The following PTPRD variants were observed in gnomAD, a reference collection of about 807,000 sequenced individuals.
PTPRD encodes receptor-type tyrosine-protein phosphatase delta.
PTPRD carries 34 observed loss-of-function variants against 214.5 expected under a neutral mutation model. The ratio of observed to expected loss-of-function variants is 0.16; its 90% CI spans 0.12 to 0.21. The LOEUF is 0.21. Among genes scored for constraint, PTPRD ranks in the 10% least tolerant of loss-of-function variants. The pLI is 1.00. For synonymous variants in PTPRD, 1,128 were observed against 845.7 expected, an observed-to-expected ratio of 1.33 and a Z score of -5.79; for missense variants, 2,545 against 2,398.7, an observed-to-expected ratio of 1.06 and a Z score of -1.27.
chr9:8,500,558 G>GGAAAAAAAAAAAAAAAAAA lies in PTPRD; in HGVS notation c.2128+195_2128+196insTTTTTTTTTTTTTTTTTTC, dbSNP rs2097373754. ...TTACTGCATTGAGATTGAAAAAAAT[G>GGAAAAAAAAAAAAAAAAAA]AAAAAAAAAAAAAAAAAAAAAAAAA... On this transcript the variant is annotated intron_variant, in intron 24 of 45. Coordinates refer to ENST00000381196, the MANE Select transcript of PTPRD (RefSeq NM_002839.4). Among the ~76,000 whole-genome samples the GGAAAAAAAAAAAAAAAAAA allele has an allele frequency of 2.8e-3, 40 of 14,316 alleles. 2 individuals carry two copies. Among genetic ancestry groups the GGAAAAAAAAAAAAAAAAAA allele is most frequent in the Non-Finnish European group, 3.7e-3 (32 of 8,718 alleles). 9.4% of individuals were successfully genotyped at this position (14,316 alleles called of 152,430 possible). A position where few individuals can be genotyped will look rare whatever the true frequency, so the allele number is the denominator to read the frequency against.
At chr9:10,429,035 C>T (rs1479123803) in intron 2 of PTPRD, among the ~76,000 whole-genome samples, 1 of 151,920 alleles carries the variant, frequency 6.6e-6, no homozygotes, top group Non-Finnish European at 1.5e-5. Flanking sequence ...AAGATACTAT[C>T]ATCAAATTAA....
At chr9:10,038,605 G>C (rs1360853774) in intron 3 of PTPRD, among the ~76,000 whole-genome samples, 1 of 152,086 alleles carries the variant, frequency 6.6e-6, no homozygotes, top group Admixed American at 6.6e-5. Context: ...AAGAGGTAAA[G>C]TTACTTGCCT....
intron 9 of PTPRD, among the ~76,000 whole-genome samples, chr9:9,214,130 T>A (rs995422053): frequency 2.0e-5 from 3 of 152,142 alleles, no homozygotes; most frequent in Admixed American, 1.3e-4. Context: ...GTCTGCCCCC[T>A]ACTAACTAAG....
At chr9:9,941,262 T>A (rs1467447063) in intron 4 of PTPRD, among the ~76,000 whole-genome samples, 1 of 152,172 alleles carries the variant, frequency 6.6e-6, no homozygotes, top group Non-Finnish European at 1.5e-5. Flanking sequence ...GACAGATTTG[T>A]ATGCTCAAAA....
intron 44 of PTPRD, among the ~76,000 whole-genome samples, chr9:8,330,296 GCTATTC>G (rs1458731153): frequency 2.6e-5 from 4 of 152,148 alleles, no homozygotes; most frequent in African/African-American, 9.6e-5. Context: ...GCAGACCAGA[GCTATTC>G]CTATTCAGCC....
intron 39 of PTPRD, among the ~76,000 whole-genome samples, chr9:8,354,065 CAT>C (rs2076359964): frequency 6.7e-6 from 1 of 149,054 alleles, no homozygotes; most frequent in African/African-American, 2.5e-5. Flanking sequence ...TTCAAGCAAT[CAT>C]ATTTTTTAAA....
At chr9:9,785,113 A>G (rs942939154) in intron 5 of PTPRD, among the ~76,000 whole-genome samples, 4 of 151,916 alleles carry the variant, frequency 2.6e-5, no homozygotes, top group African/African-American at 4.8e-5. Flanking sequence ...ATGAAATTGT[A>G]TATTTTTGTT....
chr9:10,604,127 T>C (rs1165132631), intron 2 of PTPRD, among the ~76,000 whole-genome samples: 2 of 151,326 alleles, frequency 1.3e-5, no homozygotes, highest in African/African-American at 2.4e-5. Context: ...AACTGATGAG[T>C]AATGGAGGAA....
intron 12 of PTPRD, among the ~76,000 whole-genome samples, chr9:8,693,616 T>C (rs887497117): frequency 2.0e-5 from 3 of 152,184 alleles, no homozygotes; most frequent in Non-Finnish European, 4.4e-5. Context: ...CCATATTCGA[T>C]GTAAGTGACA....
At chr9:8,757,110 C>G (rs1467481160) in intron 11 of PTPRD, among the ~76,000 whole-genome samples, 1 of 152,098 alleles carries the variant, frequency 6.6e-6, no homozygotes, top group Non-Finnish European at 1.5e-5. Context: ...CCAGTGCACT[C>G]CAGCGTGGGC....
chr9:10,451,363 G>T (rs903027868), intron 2 of PTPRD, among the ~76,000 whole-genome samples: 11 of 151,756 alleles, frequency 7.2e-5, no homozygotes, highest in African/African-American at 2.7e-4. Flanking sequence ...TACAAATAAT[G>T]TCATCATTCT....
intron 8 of PTPRD, among the ~76,000 whole-genome samples, chr9:9,420,694 C>G (rs568238411): frequency 1.3e-4 from 19 of 151,958 alleles, no homozygotes; most frequent in African/African-American, 4.6e-4. Flanking sequence ...GTACTCACCT[C>G]TGCATGTATA....
chr9:8,389,322 G>A lies in PTPRD; in HGVS notation c.4296C>T (p.Leu1432=), dbSNP rs987441600. The change falls in exon 37 of 46, where the codon CTC becomes CTT. Residue 1432 remains leucine (L), a synonymous_variant. Coordinates refer to ENST00000381196, the MANE Select transcript of PTPRD (RefSeq NM_002839.4). The part of the protein sequence containing the change: ...QNAYIATQGS[L]PETFGDFWRM... The stretch of plus-strand genomic sequence containing the variant: ...TCCAAAAGTCCCCAAATGTTTCGGG[G>A]AGAGATCCCTGTGTTGCAATATAGG... The A allele has an allele frequency of 6.2e-7, 1 of 1,612,976 alleles. No individual in the cohort carries two copies. The highest frequency in any genetic ancestry group is 8.5e-7 in the Non-Finnish European group (1 of 1,179,358).
chr9:10,327,101 TC>T lies in PTPRD; in HGVS notation c.-545+13861del, dbSNP rs1208728854. Among the ~76,000 whole-genome samples, 9 of 150,634 alleles carry T rather than the reference TC, an allele frequency of 6.0e-5. No individual in the cohort carries two copies. In the East Asian group the frequency reaches 1.8e-3, roughly 30 times the overall value. On this transcript the variant is annotated intron_variant, in intron 3 of 45. Coordinates refer to ENST00000381196, the MANE Select transcript of PTPRD (RefSeq NM_002839.4). ...TGAAGACATTAAACATGCACATATA[TC>T]ATGTACATTACATATATAAATATAT...
intron 6 of PTPRD, among the ~76,000 whole-genome samples, chr9:9,755,472 C>T (rs2098558699): frequency 6.6e-6 from 1 of 152,084 alleles, no homozygotes; most frequent in Non-Finnish European, 1.5e-5. Context: ...CTTCCTCATT[C>T]TTTCTTCCTC....
intron 11 of PTPRD, among the ~76,000 whole-genome samples, chr9:8,896,315 T>C (rs1405165267): frequency 6.6e-6 from 1 of 152,222 alleles, no homozygotes; most frequent in African/African-American, 2.4e-5. Context: ...ATGATTTCCA[T>C]TGTCTCCAAT....
At chr9:9,502,568 G>C (rs908340186) in intron 8 of PTPRD, among the ~76,000 whole-genome samples, 2 of 151,830 alleles carry the variant, frequency 1.3e-5, no homozygotes, top group Non-Finnish European at 2.9e-5. Context: ...GTATAATTCA[G>C]TGATTCCACC....
chr9:10,549,319 G>A (rs184055789), intron 2 of PTPRD, among the ~76,000 whole-genome samples: 4 of 152,192 alleles, frequency 2.6e-5, no homozygotes, highest in Admixed American at 1.3e-4. Flanking sequence ...AATCACCAGT[G>A]AGAATCTAGA....
At chr9:9,821,667 G>A (rs542732093) in intron 5 of PTPRD, among the ~76,000 whole-genome samples, 1 of 151,800 alleles carries the variant, frequency 6.6e-6, no homozygotes, top group African/African-American at 2.4e-5. Flanking sequence ...TTAAGCATTT[G>A]TATCTATTAT....
Sources: allele counts gnomAD v4.1 joint callset (sites outside exome capture counted in the v4.1 genomes callset), GRCh38; gene constraint gnomAD v4.1.1; transcripts MANE v1.5; gene names NCBI Gene and HGNC (gene_info 2026-07-23, HGNC 2026-07-21).